Variants in CHLSN observed in about 807,000 individuals in gnomAD.
CHLSN encodes the protein protein cholesin.
At chr7:1,066,210 A>T in the CHLSN span, among the ~76,000 whole-genome samples, 3 of 151,246 alleles carry the variant, frequency 2.0e-5, no homozygotes, top group Admixed American at 2.0e-4. Flanking sequence ...ACCCTCCCCC[A>T]GAATTTCCCC....
At chr7:1,028,760 C>G in the CHLSN span, 2 of 859,398 alleles carry the variant, frequency 2.3e-6, no homozygotes, top group Non-Finnish European at 2.8e-6. Context: ...CAGTCTGTCC[C>G]CATCTCCCCT....
the CHLSN span, among the ~76,000 whole-genome samples, chr7:1,002,411 C>A: frequency 2.5e-4 from 5 of 20,194 alleles, no homozygotes; most frequent in Non-Finnish European, 2.7e-4. Context: ...GGAGTCCTGC[C>A]GGTGGGGAGT....
the CHLSN span, among the ~76,000 whole-genome samples, chr7:979,920 A>C: frequency 6.6e-6 from 1 of 152,204 alleles, no homozygotes; most frequent in Non-Finnish European, 1.5e-5. Context: ...GCCAAGGGAC[A>C]GTTCCTTTTT....
the CHLSN span, among the ~76,000 whole-genome samples, chr7:1,081,083 C>G: frequency 6.6e-6 from 1 of 152,238 alleles, no homozygotes; most frequent in African/African-American, 2.4e-5. Context: ...GGGGAGCACG[C>G]CCCCCACCCG....
At chr7:1,107,644 G>A in the CHLSN span, among the ~76,000 whole-genome samples, 5 of 152,258 alleles carry the variant, frequency 3.3e-5, no homozygotes, top group Non-Finnish European at 5.9e-5. Context: ...AACACTAGGG[G>A]TTCTCTCCCC....
chr7:1,114,583 G>A, the CHLSN span, among the ~76,000 whole-genome samples: 3 of 152,272 alleles, frequency 2.0e-5, no homozygotes, highest in East Asian at 1.9e-4. Flanking sequence ...CTGCTCCACA[G>A]GCCGTGATGG....
chr7:1,131,638 A>C, the CHLSN span, among the ~76,000 whole-genome samples: 5 of 152,262 alleles, frequency 3.3e-5, no homozygotes, highest in African/African-American at 1.2e-4. Flanking sequence ...TACTGTTGAC[A>C]CAGGGGCTCT....
the CHLSN span, among the ~76,000 whole-genome samples, chr7:1,064,209 C>T: frequency 6.6e-6 from 1 of 152,206 alleles, no homozygotes; most frequent in Non-Finnish European, 1.5e-5. Flanking sequence ...GCTTCACACG[C>T]GTCGGCTGCA....
At chr7:1,102,676 A>G in the CHLSN span, among the ~76,000 whole-genome samples, 1 of 152,202 alleles carries the variant, frequency 6.6e-6, no homozygotes, top group African/African-American at 2.4e-5. Flanking sequence ...GACCTGGAGA[A>G]CAGGTGACCC....
At chr7:983,172 G>C in the CHLSN span, 1 of 1,439,662 alleles carries the variant, frequency 6.9e-7, no homozygotes, top group Non-Finnish European at 9.2e-7. Flanking sequence ...GGGGGGGACG[G>C]GGCCCAGGAG....
At chr7:1,123,516 C>T in the CHLSN span, among the ~76,000 whole-genome samples, 8 of 152,032 alleles carry the variant, frequency 5.3e-5, no homozygotes, top group Non-Finnish European at 8.8e-5. The surrounding 1 kb of genome is among the most constrained non-coding windows in gnomAD (Gnocchi z 4.4). Context: ...CACGCTCCCC[C>T]GGAGCCCAGG....
At chr7:1,012,422 C>T in the CHLSN span, among the ~76,000 whole-genome samples, 134 of 152,370 alleles carry the variant, frequency 8.8e-4, no homozygotes, top group African/African-American at 3.1e-3. Flanking sequence ...GCCGGGGACC[C>T]GCAGGCCCAG....
the CHLSN span, among the ~76,000 whole-genome samples, chr7:1,041,402 TGCGGGGAACGGGACCTGGGGTCC>T: frequency 2.5e-4 from 27 of 106,442 alleles, no homozygotes; most frequent in Middle Eastern, 5.6e-3. Flanking sequence ...GGGTCCGCGC[TGCGGGGAACGGGACCTGGGGTCC>T]GCGCTGCGGG....
chr7:1,132,694 TAAAAAA>T, the CHLSN span, among the ~76,000 whole-genome samples: 1 of 107,010 alleles, frequency 9.3e-6, no homozygotes, highest in African/African-American at 3.9e-5. Flanking sequence ...AACCTGTCTT[TAAAAAA>T]AAAAAAAAAA....
the CHLSN span, among the ~76,000 whole-genome samples, chr7:1,117,703 C>T: frequency 6.6e-6 from 1 of 150,922 alleles, no homozygotes; most frequent in Non-Finnish European, 1.5e-5. Flanking sequence ...GCTCTACGGA[C>T]CGGCTTCCAT....
chr7:978,047 C>A, the CHLSN span, among the ~76,000 whole-genome samples: 1 of 152,232 alleles, frequency 6.6e-6, no homozygotes, highest in African/African-American at 2.4e-5. Context: ...GGAAGGACAG[C>A]CCCTCCGTTG....
At chr7:997,521 G>A in the CHLSN span, 2,089 of 1,048,532 alleles carry the variant, frequency 2.0e-3, 12 homozygotes, top group Middle Eastern at 0.017. Context: ...TTGCTCAGCC[G>A]CTGCCCTGCT....
chr7:1,009,998 G>A, the CHLSN span: 20 of 1,595,538 alleles, frequency 1.3e-5, no homozygotes, highest in East Asian at 2.3e-5. Context: ...CCTGGCAGGC[G>A]GGTGCTGGGC....
At chr7:1,057,019 A>G in the CHLSN span, among the ~76,000 whole-genome samples, 14 of 152,042 alleles carry the variant, frequency 9.2e-5, no homozygotes, top group African/African-American at 3.4e-4. Context: ...AGGCTCTGCA[A>G]GGACTCCAAG....
Sources: allele counts gnomAD v4.1 joint callset (sites outside exome capture counted in the v4.1 genomes callset), GRCh38; gene constraint gnomAD v4.1.1; non-coding constraint Gnocchi (gnomAD v3.1); transcripts MANE v1.5; gene names NCBI Gene and HGNC (gene_info 2026-07-23, HGNC 2026-07-21).